Variants in AGBL1 observed in about 807,000 individuals in gnomAD.
AGBL1 encodes AGBL carboxypeptidase 1.
Under a neutral mutation model 118.9 loss-of-function variants are expected in AGBL1, and 130 were observed. The ratio of observed to expected loss-of-function variants is 1.09; its 90% CI spans 0.95 to 1.26. The LOEUF is 1.26. Among genes scored for constraint, AGBL1 ranks in the 50% most tolerant of loss-of-function variants. AGBL1 has a pLI of 0.00. For missense variants in AGBL1, 1,584 were observed against 1,298.1 expected (o/e 1.22, Z -3.38); for synonymous variants, 555 against 478.9 (o/e 1.16, Z -2.08).
At chr15:86,707,161 G>T (rs2086465203) in intron 22 of AGBL1, among the ~76,000 whole-genome samples, 1 of 151,988 alleles carries the variant, frequency 6.6e-6, no homozygotes, top group Admixed American at 6.6e-5. Flanking sequence ...TGACATACAG[G>T]GATTCCTTTC....
chr15:86,960,504 A>G (rs55982821), intron 23 of AGBL1, among the ~76,000 whole-genome samples: 6,351 of 152,140 alleles, frequency 0.042, 164 homozygotes, highest in Middle Eastern at 0.071. Context: ...CAAAGATGTA[A>G]AGAAAACAGG....
intron 21 of AGBL1, among the ~76,000 whole-genome samples, chr15:86,559,609 T>A (rs559452483): frequency 6.6e-6 from 1 of 152,342 alleles, no homozygotes; most frequent in Admixed American, 6.5e-5. Flanking sequence ...TATTGTGTGC[T>A]AAGCCCTTTA....
chr15:86,432,876 C>T (rs1439649330), intron 18 of AGBL1, among the ~76,000 whole-genome samples: 1 of 152,206 alleles, frequency 6.6e-6, no homozygotes, highest in Non-Finnish European at 1.5e-5. Context: ...GCCAGTGTGT[C>T]AGCACAGGGG....
intron 24 of AGBL1, among the ~76,000 whole-genome samples, chr15:87,023,083 G>A (rs1348307656): frequency 6.6e-6 from 1 of 151,742 alleles, no homozygotes; most frequent in African/African-American, 2.4e-5. Context: ...AAAAACCAAG[G>A]TACACAGGCA....
chr15:86,787,966 T>G (rs574947542), intron 22 of AGBL1, among the ~76,000 whole-genome samples: 1 of 152,228 alleles, frequency 6.6e-6, no homozygotes, highest in African/African-American at 2.4e-5. Flanking sequence ...ATAAGTTCCA[T>G]GAAACTGTGG....
intron 17 of AGBL1, among the ~76,000 whole-genome samples, chr15:86,346,379 C>T (rs1428058334): frequency 6.8e-6 from 1 of 147,220 alleles, no homozygotes; most frequent in African/African-American, 2.5e-5. Context: ...TGAAGTCTCG[C>T]TCTGTTGCCC....
chr15:86,624,494 C>A (rs1465921221), intron 21 of AGBL1, among the ~76,000 whole-genome samples: 1 of 152,160 alleles, frequency 6.6e-6, no homozygotes, highest in Non-Finnish European at 1.5e-5. Context: ...GATTCTGAGT[C>A]ATTTCCTGTG....
intron 23 of AGBL1, among the ~76,000 whole-genome samples, chr15:86,921,984 A>G (rs2080485980): frequency 6.6e-6 from 1 of 152,134 alleles, no homozygotes; most frequent in South Asian, 2.1e-4. Context: ...AGGTCTATAT[A>G]AAAAAGGGAC....
intron 17 of AGBL1, among the ~76,000 whole-genome samples, chr15:86,373,685 A>G (rs2080999396): frequency 1.3e-5 from 2 of 152,174 alleles, no homozygotes; most frequent in South Asian, 4.1e-4. Flanking sequence ...GGACAAAGAC[A>G]AAGGTAACAG....
At chr15:86,431,273 A>G (rs1016110373) in intron 18 of AGBL1, among the ~76,000 whole-genome samples, 8 of 152,212 alleles carry the variant, frequency 5.3e-5, no homozygotes, top group Admixed American at 1.3e-4. Flanking sequence ...TCTTGGGACA[A>G]GTTACATAAA....
intron 22 of AGBL1, among the ~76,000 whole-genome samples, chr15:86,846,055 G>A (rs1204750835): frequency 6.6e-6 from 1 of 152,140 alleles, no homozygotes; most frequent in Non-Finnish European, 1.5e-5. Flanking sequence ...TTTCTATTTA[G>A]CCAGCCTGGT....
intron 22 of AGBL1, among the ~76,000 whole-genome samples, chr15:86,690,711 G>C (rs1343578051): frequency 3.3e-5 from 5 of 152,060 alleles, no homozygotes; most frequent in Non-Finnish European, 7.4e-5. Context: ...TGAATTATGG[G>C]GATCTTAGTC....
chr15:86,423,398 A>G (rs1032959610), intron 18 of AGBL1, among the ~76,000 whole-genome samples: 1 of 152,196 alleles, frequency 6.6e-6, no homozygotes, highest in African/African-American at 2.4e-5. Context: ...AAAACTCTCA[A>G]TAAACTAGGT....
chr15:86,614,948 G>A (rs1325782547), intron 21 of AGBL1, among the ~76,000 whole-genome samples: 1 of 152,164 alleles, frequency 6.6e-6, no homozygotes, highest in Non-Finnish European at 1.5e-5. Flanking sequence ...AGGCAGTGAA[G>A]GTAGTTTATA....
At chr15:86,796,409 T>G (rs180711561) in intron 22 of AGBL1, among the ~76,000 whole-genome samples, 8 of 152,328 alleles carry the variant, frequency 5.3e-5, no homozygotes, top group South Asian at 4.1e-4. Flanking sequence ...AATCTATTCT[T>G]TGGCATCAAG....
intron 24 of AGBL1, among the ~76,000 whole-genome samples, chr15:87,026,725 T>C (rs1248148109): frequency 6.6e-6 from 1 of 152,080 alleles, no homozygotes; most frequent in Non-Finnish European, 1.5e-5. Flanking sequence ...TGCAAAAATG[T>C]GGACCCAACT....
chr15:86,622,171 T>C (rs1374524529), intron 21 of AGBL1, among the ~76,000 whole-genome samples: 1 of 151,748 alleles, frequency 6.6e-6, no homozygotes, highest in Non-Finnish European at 1.5e-5. Flanking sequence ...CTACTAAAAA[T>C]ACAAAAAAAT....
intron 21 of AGBL1, among the ~76,000 whole-genome samples, chr15:86,646,716 T>G (rs899662534): frequency 3.3e-5 from 5 of 152,216 alleles, no homozygotes; most frequent in Admixed American, 2.6e-4. Flanking sequence ...GGTCACAATT[T>G]CAATTTTGCC....
chr15:86,423,751 G>C (rs112749038), intron 18 of AGBL1, among the ~76,000 whole-genome samples: 3,109 of 151,870 alleles, frequency 0.02, 42 homozygotes, highest in Middle Eastern at 0.065. Context: ...AACAGACAGA[G>C]AGCCAAATCA....
Sources: allele counts gnomAD v4.1 joint callset (sites outside exome capture counted in the v4.1 genomes callset), GRCh38; gene constraint gnomAD v4.1.1; transcripts MANE v1.5; gene names NCBI Gene and HGNC (gene_info 2026-07-23, HGNC 2026-07-21).